TBC1D8B: variants seen among roughly 807,000 people sequenced by gnomAD.
TBC1D8B encodes RP11-321G1.1.
Under a neutral mutation model 82.9 loss-of-function variants are expected in TBC1D8B, and 75 were observed. The observed-to-expected ratio is 0.90, with a 90% confidence interval of 0.75 to 1.10. The LOEUF is 1.10. Among genes scored for constraint, TBC1D8B ranks in the 50% least tolerant of loss-of-function variants. TBC1D8B has a pLI of 0.00. For missense variants in TBC1D8B, 794 were observed against 796.9 expected (o/e 1.00, Z 0.04); for synonymous variants, 276 against 276.8 (o/e 1.00, Z 0.03).
intron 1 of TBC1D8B, among the ~76,000 whole-genome samples, chrX:106,806,707 C>CT (rs1175233246): frequency 9.0e-6 from 1 of 111,256 alleles, no homozygotes; most frequent in Non-Finnish European, 1.9e-5. Flanking sequence ...CTCAGTAGAC[C>CT]TTTTTTGTGT....
intron 3 of TBC1D8B, 63 bp from the exon 4 acceptor site, chrX:106,821,914 A>C (rs1429778818): frequency 1.1e-6 from 1 of 934,235 alleles, no homozygotes; most frequent in Non-Finnish European, 1.5e-6. Flanking sequence ...AACTGTTTGA[A>C]TGTATGAAAT....
intron 14 of TBC1D8B, among the ~76,000 whole-genome samples, chrX:106,855,796 T>C (rs1358219240): frequency 8.9e-6 from 1 of 111,742 alleles, no homozygotes; most frequent in African/African-American, 3.3e-5. Context: ...CTTCAAAAGA[T>C]TTTGCCAAAT....
At chrX:106,868,726 AG>A (rs1280598735) in intron 18 of TBC1D8B, among the ~76,000 whole-genome samples, 4 of 112,184 alleles carry the variant, frequency 3.6e-5, no homozygotes, top group African/African-American at 1.3e-4. Flanking sequence ...CTTACGTTGC[AG>A]AAATTTCTAA....
rs112516413 is a variant in TBC1D8B, at chrX:106,839,267, G to A, written c.1204-41G>A. 5.4e-5 allele frequency: 59 copies of A among 1,087,604 alleles called. 1 individual carries two copies. In the South Asian group the frequency reaches 1.2e-3, roughly 22 times the overall value. 89.6% of individuals were successfully genotyped at this position (1,087,604 alleles called of 1,213,427 possible). On this transcript the variant is annotated intron_variant, in intron 7 of 20. Coordinates refer to ENST00000357242, the MANE Select transcript of TBC1D8B (RefSeq NM_017752.3). ...TAGAACTTTTTTTTCTTGTAGAAAC[G>A]TAAGCATGCATCTGGGACAACTACA...
chrX:106,812,929 A>C (rs1400798515), intron 1 of TBC1D8B, among the ~76,000 whole-genome samples: 6 of 110,758 alleles, frequency 5.4e-5, no homozygotes, highest in Non-Finnish European at 1.1e-4. Flanking sequence ...GCTCACTCCA[A>C]GTGATGCAAC....
chrX:106,873,797 T>A lies in TBC1D8B; in HGVS notation c.3195T>A (p.Asp1065Glu). The change falls in exon 21 of 21, where the codon GAT (aspartate) becomes GAA (glutamate). Residue 1065 changes from aspartate to glutamate, a missense_variant. Physicochemically the swap from Asp to Glu is conservative, Grantham distance 45 (BLOSUM62 2). Transcript: ENST00000357242. ...EEKTGSHLEKDPCSFREEPQW... is the reference protein window; with the variant it reads ...EEKTGSHLEKEPCSFREEPQW... ...AAACAGGGAGCCACTTGGAGAAAGATCCTTGTTCCTTTAGGGAGGAACCTC... is the reference window on the plus strand; with the variant it reads ...AAACAGGGAGCCACTTGGAGAAAGAACCTTGTTCCTTTAGGGAGGAACCTC... The A allele has an allele frequency of 8.3e-7, 1 of 1,210,361 alleles. No homozygotes were observed. The highest frequency in any genetic ancestry group is 1.1e-6 in the Non-Finnish European group (1 of 895,339).
chrX:106,806,062 G>A (rs909265068), intron 1 of TBC1D8B, among the ~76,000 whole-genome samples: 4 of 112,367 alleles, frequency 3.6e-5, no homozygotes, highest in Non-Finnish European at 7.5e-5. Flanking sequence ...CTTAAGTGTG[G>A]ACTTGATAAA....
At chrX:106,868,826 T>G (rs1932829996) in intron 18 of TBC1D8B, among the ~76,000 whole-genome samples, 1 of 112,370 alleles carries the variant, frequency 8.9e-6, no homozygotes, top group African/African-American at 3.2e-5. Context: ...CAGTGAATAC[T>G]TATTATAAAT....
In TBC1D8B at chrX:106,868,392, G is replaced by C; in HGVS notation, c.2729-1G>C. On this transcript the variant is annotated splice_acceptor_variant, in intron 17 of 20. Coordinates refer to ENST00000357242, the MANE Select transcript of TBC1D8B (RefSeq NM_017752.3). LOFTEE classifies it high-confidence loss of function. ...AATTTGGGTTATTTATATGTTTTCAGCTTACACTGAAGTGAAATCTAAGGA... is the reference window on the plus strand; with the variant it reads ...AATTTGGGTTATTTATATGTTTTCACCTTACACTGAAGTGAAATCTAAGGA... The C allele has an allele frequency of 1.0e-6, 1 of 996,558 alleles. No homozygotes were observed. The highest frequency in any genetic ancestry group is 1.3e-6 in the Non-Finnish European group (1 of 777,387). 82.1% of individuals were successfully genotyped at this position (996,558 alleles called of 1,213,427 possible). A position where few individuals can be genotyped will look rare whatever the true frequency, so the allele number is the denominator to read the frequency against.
chrX:106,846,446 G>T (rs1007582624), intron 10 of TBC1D8B, among the ~76,000 whole-genome samples: 7 of 93,695 alleles, frequency 7.5e-5, no homozygotes, highest in Non-Finnish European at 1.3e-4. Context: ...AACTGGGGAG[G>T]GGGGTGGGAA....
At chrX:106,835,710 G>A (rs1357429490) in intron 7 of TBC1D8B, among the ~76,000 whole-genome samples, 5 of 111,652 alleles carry the variant, frequency 4.5e-5, no homozygotes, top group African/African-American at 1.6e-4. Context: ...GATCTCTAGG[G>A]CAGGAGCAAA....
chrX:106,840,556 C>A, intron 9 of TBC1D8B, 114 bp from the exon 10 acceptor site: 1 of 683,463 alleles, frequency 1.5e-6, no homozygotes, highest in Non-Finnish European at 2.2e-6. Context: ...GCTCAGAAAT[C>A]ACTTAAGCAT....
At chrX:106,806,762 T>G (rs1359771375) in intron 1 of TBC1D8B, among the ~76,000 whole-genome samples, 9 of 111,652 alleles carry the variant, frequency 8.1e-5, no homozygotes, top group Non-Finnish European at 1.9e-5. Context: ...AAATGGAGAA[T>G]TTTTAGACAT....
At chrX:106,867,042 A>G (rs749812510) in intron 17 of TBC1D8B, among the ~76,000 whole-genome samples, 180 bp downstream of exon 17, 1 of 111,938 alleles carries the variant, frequency 8.9e-6, no homozygotes, top group Non-Finnish European at 1.9e-5. Flanking sequence ...GTGATCTTCT[A>G]TGGAAGAGAT....
intron 14 of TBC1D8B, among the ~76,000 whole-genome samples, chrX:106,861,501 G>T (rs1401970153): frequency 4.5e-5 from 5 of 111,702 alleles, no homozygotes; most frequent in Non-Finnish European, 9.4e-5. Flanking sequence ...TTTTGTTGTT[G>T]TTGTTGGCCT....
chrX:106,862,793 T>G (rs887133997), intron 14 of TBC1D8B, among the ~76,000 whole-genome samples: 6 of 96,848 alleles, frequency 6.2e-5, no homozygotes, highest in African/African-American at 1.5e-4. Flanking sequence ...TTTTTTTTTT[T>G]TTTTTTTTTG....
intron 14 of TBC1D8B, among the ~76,000 whole-genome samples, chrX:106,857,983 A>T (rs1191946181): frequency 1.8e-5 from 2 of 112,453 alleles, no homozygotes; most frequent in Non-Finnish European, 3.8e-5. Context: ...TCTTTGTGAT[A>T]TCTTCAAACT....
chrX:106,872,953 C>T (rs778851486), intron 20 of TBC1D8B, among the ~76,000 whole-genome samples: 4 of 111,157 alleles, frequency 3.6e-5, no homozygotes, highest in Non-Finnish European at 5.7e-5. Context: ...CTGGACAACA[C>T]AGCAAGGCCT....
At chrX:106,849,797 A>C in intron 11 of TBC1D8B, 1 of 952,424 alleles carries the variant, frequency 1.0e-6, no homozygotes. Context: ...AGGTCTCTGC[A>C]TATAATAAAG....
Sources: gnomAD v4.1 joint callset for allele counts (sites outside exome capture counted in the v4.1 genomes callset) on GRCh38, gnomAD v4.1.1 for gene constraint, MANE v1.5 for transcripts, NCBI Gene and HGNC (gene_info 2026-07-23, HGNC 2026-07-21) for gene names.